MGMT: variants seen among roughly 807,000 people sequenced by gnomAD.
MGMT encodes the protein O-6-methylguanine-DNA methyltransferase.
Under a neutral mutation model 15.9 loss-of-function variants are expected in MGMT, and 14 were observed. The ratio of observed to expected loss-of-function variants is 0.88; its 90% CI spans 0.58 to 1.37. The LOEUF (loss-of-function observed/expected upper bound fraction) is 1.37, where lower values mean the gene tolerates loss of function less well. Ranked by LOEUF, MGMT falls within the 40% of genes most tolerant of loss-of-function variation. MGMT has a pLI of 0.00. For synonymous variants in MGMT, 130 were observed against 118.2 expected (o/e 1.10, Z -0.65); for missense variants, 282 against 268.1 (o/e 1.05, Z -0.36).
chr10:129,748,130 G>A (rs894392849), intron 3 of MGMT, among the ~76,000 whole-genome samples: 1 of 152,182 alleles, frequency 6.6e-6, no homozygotes, highest in Non-Finnish European at 1.5e-5. Context: ...AACACACTTA[G>A]GAATGGGGAG....
Position 129,566,660 on chromosome 10 carries a change from G to A in MGMT, c.125+30283G>A, listed in dbSNP as rs1247768624. On this transcript the variant is annotated intron_variant, in intron 2 of 4. Transcript: ENST00000651593. The surrounding 1 kb of genome is among the most constrained non-coding windows in gnomAD (Gnocchi z 4.1). ...TGCTGTTTCTCTTCTCCCACTGTTG[G>A]TCGTTGGCTGGATCTCGTTGAAGGC... is the stretch of plus-strand genomic sequence containing the variant. Among the ~76,000 whole-genome samples the A allele has an allele frequency of 2.6e-5, 4 of 151,996 alleles. No individual in the cohort carries two copies. Among genetic ancestry groups the A allele is most frequent in the African/African-American group, 9.7e-5 (4 of 41,386 alleles).
At chr10:129,535,666 T>A (rs1384770376) in intron 1 of MGMT, among the ~76,000 whole-genome samples, 1 of 152,194 alleles carries the variant, frequency 6.6e-6, no homozygotes, top group African/African-American at 2.4e-5. Flanking sequence ...TACATCTCTT[T>A]AAATGTAAAT....
chr10:129,727,024 A>G (rs541645694), intron 3 of MGMT, among the ~76,000 whole-genome samples: 1 of 152,322 alleles, frequency 6.6e-6, no homozygotes, highest in South Asian at 2.1e-4. Context: ...GAAGTCATAG[A>G]TGAAGTTGTG....
intron 2 of MGMT, among the ~76,000 whole-genome samples, chr10:129,560,789 A>G (rs185554794): frequency 4.5e-4 from 69 of 152,348 alleles, no homozygotes; most frequent in African/African-American, 1.6e-3. Flanking sequence ...TTAAAGCACA[A>G]TATTGTCGGG....
At chr10:129,667,920 C>T (rs1377504477) in intron 2 of MGMT, among the ~76,000 whole-genome samples, 1 of 152,202 alleles carries the variant, frequency 6.6e-6, no homozygotes, top group East Asian at 1.9e-4. Context: ...TTGTACAGGA[C>T]TTTCACCCAT....
intron 2 of MGMT, among the ~76,000 whole-genome samples, chr10:129,650,001 C>T (rs895121290): frequency 3.3e-5 from 5 of 152,062 alleles, no homozygotes; most frequent in African/African-American, 9.7e-5. Flanking sequence ...TCGTGGAGAT[C>T]GGCATTGTAG....
intron 2 of MGMT, among the ~76,000 whole-genome samples, chr10:129,632,826 T>C (rs537960412): frequency 1.3e-5 from 2 of 151,932 alleles, no homozygotes; most frequent in African/African-American, 2.4e-5. Context: ...TTTAATGATA[T>C]TTGATTCCAT....
chr10:129,516,334 A>T (rs58614546), intron 1 of MGMT, among the ~76,000 whole-genome samples: 23,750 of 152,186 alleles, frequency 0.16, 2,594 homozygotes, highest in African/African-American at 0.3. Context: ...TTCTAGAGGC[A>T]GTGGCTGCCT....
intron 2 of MGMT, among the ~76,000 whole-genome samples, chr10:129,653,821 G>A (rs1217212335): frequency 6.6e-6 from 1 of 152,234 alleles, no homozygotes; most frequent in Non-Finnish European, 1.5e-5. Flanking sequence ...TAGGATGAAG[G>A]GCACAGATTT....
intron 2 of MGMT, among the ~76,000 whole-genome samples, chr10:129,648,886 T>C (rs1250290378): frequency 6.6e-6 from 1 of 152,120 alleles, no homozygotes; most frequent in Non-Finnish European, 1.5e-5. Context: ...CTTAAATTAG[T>C]GAAGAGTGGA....
chr10:129,664,267 C>T (rs1022948382), intron 2 of MGMT, among the ~76,000 whole-genome samples: 10 of 152,174 alleles, frequency 6.6e-5, no homozygotes, highest in African/African-American at 2.4e-4. Context: ...GACATGTACT[C>T]AATTGTAGGG....
intron 1 of MGMT, among the ~76,000 whole-genome samples, chr10:129,517,417 C>G (rs554655734): frequency 6.6e-6 from 1 of 152,192 alleles, no homozygotes; most frequent in African/African-American, 2.4e-5. Context: ...TGCACTGTGC[C>G]CCTCCTGTGT....
At chr10:129,577,997 C>A (rs1340449296) in intron 2 of MGMT, among the ~76,000 whole-genome samples, 4 of 152,176 alleles carry the variant, frequency 2.6e-5, no homozygotes, top group Non-Finnish European at 5.9e-5. Context: ...CATCTCACAC[C>A]AGTTAGAATG....
chr10:129,552,325 C>A (rs537843952), intron 2 of MGMT, among the ~76,000 whole-genome samples: 1 of 152,196 alleles, frequency 6.6e-6, no homozygotes, highest in Non-Finnish European at 1.5e-5. Context: ...TGAGCTGCGT[C>A]ACCATGACGC....
At chr10:129,572,181 G>A (rs1846427787) in intron 2 of MGMT, among the ~76,000 whole-genome samples, 1 of 152,150 alleles carries the variant, frequency 6.6e-6, no homozygotes, top group Non-Finnish European at 1.5e-5. Context: ...GTTACCTCCA[G>A]TTGAATTTTT....
chr10:129,718,557 C>G (rs1004551105), intron 3 of MGMT, among the ~76,000 whole-genome samples: 6 of 152,224 alleles, frequency 3.9e-5, no homozygotes, highest in African/African-American at 1.4e-4. Context: ...CACTTACCCC[C>G]TCACCTTCTC....
At chr10:129,520,106 C>G (rs1476450107) in intron 1 of MGMT, among the ~76,000 whole-genome samples, 2 of 152,200 alleles carry the variant, frequency 1.3e-5, no homozygotes, top group African/African-American at 4.8e-5. Context: ...TCTGGTTTAT[C>G]TGCGTGAGCT....
chr10:129,569,566 C>G (rs951730090), intron 2 of MGMT, among the ~76,000 whole-genome samples: 4 of 152,194 alleles, frequency 2.6e-5, no homozygotes, highest in Non-Finnish European at 4.4e-5. Context: ...CCTCAACCTC[C>G]TGTGCTCTTA....
rs576679480 is a variant in MGMT, at chr10:129,728,297, C to CATGGACGTGAGCG, written c.274+20258_274+20270dup. Among the ~76,000 whole-genome samples, 298 of 152,240 alleles carry CATGGACGTGAGCG rather than the reference C, an allele frequency of 2.0e-3. 1 individual carries two copies. The highest frequency in any genetic ancestry group is 6.5e-3 in the African/African-American group (269 of 41,524). On this transcript the variant is annotated intron_variant, in intron 3 of 4. Coordinates refer to ENST00000651593, the MANE Select transcript of MGMT (RefSeq NM_002412.5). The stretch of plus-strand genomic sequence containing the variant: ...GAAGGTTAGGGATTAGGGTCAGTGG[C>CATGGACGTGAGCG]ATGGACGTGAGCGATGAACCCATAC...
Sources: gnomAD v4.1 joint callset for allele counts (sites outside exome capture counted in the v4.1 genomes callset) on GRCh38, gnomAD v4.1.1 for gene constraint, Gnocchi (gnomAD v3.1) non-coding constraint, MANE v1.5 for transcripts, NCBI Gene and HGNC (gene_info 2026-07-23, HGNC 2026-07-21) for gene names.